LAMA2: variants seen among roughly 807,000 people sequenced by gnomAD.
The protein encoded by LAMA2 is laminin subunit alpha 2.
A neutral mutation model predicts 364.8 loss-of-function variants in LAMA2; 269 were observed. The observed-to-expected ratio is 0.74, with a 90% CI of 0.67 to 0.82. The LOEUF is 0.82. Ranked by LOEUF, LAMA2 falls within the 40% of genes least tolerant of loss-of-function variation. LAMA2 has a pLI of 0.00. For missense variants in LAMA2, 3,807 were observed against 3,873.2 expected, an observed-to-expected ratio of 0.98 and a Z score of 0.45; for synonymous variants, 1,379 against 1,370.6, an observed-to-expected ratio of 1.01 and a Z score of -0.14.
chr6:129,022,881 C>A lies in LAMA2; in HGVS notation c.113-27037C>A, dbSNP rs1056760499. 5.3e-5 allele frequency among the ~76,000 whole-genome samples: 8 copies of A among 152,012 alleles called. No individual in the cohort carries two copies. The South Asian group carries it at 8.3e-4, about 16-fold the overall frequency. On this transcript the variant is annotated intron_variant, in intron 1 of 64. Coordinates refer to ENST00000421865, the MANE Select transcript of LAMA2 (RefSeq NM_000426.4). ...AATTTTAAAAATTATTTAGTGTTTC[C>A]AGTTTAGATATTTAAGAACACCACT...
intron 3 of LAMA2, among the ~76,000 whole-genome samples, chr6:129,083,096 ACACACG>A (rs1176630268): frequency 6.7e-6 from 1 of 150,126 alleles, no homozygotes; most frequent in Admixed American, 6.7e-5. Context: ...ACACACACAC[ACACACG>A]TGTACACACA....
intron 12 of LAMA2, among the ~76,000 whole-genome samples, chr6:129,200,213 T>C (rs890584835): frequency 7.0e-6 from 1 of 141,970 alleles, no homozygotes; most frequent in African/African-American, 2.7e-5. Flanking sequence ...CATATACATG[T>C]GTATATATAT....
intron 1 of LAMA2, among the ~76,000 whole-genome samples, chr6:128,944,752 A>G (rs1341661733): frequency 6.6e-6 from 1 of 152,210 alleles, no homozygotes; most frequent in Non-Finnish European, 1.5e-5. Context: ...GAAGCTTCCA[A>G]TCATGGCAGA....
At chr6:129,108,911 C>G (rs1775983328) in intron 4 of LAMA2, among the ~76,000 whole-genome samples, 1 of 151,996 alleles carries the variant, frequency 6.6e-6, no homozygotes, top group Admixed American at 6.6e-5. Flanking sequence ...AAACGCATAC[C>G]TGATTTGGTT....
At chr6:129,221,054 C>T (rs1017651496) in intron 12 of LAMA2, among the ~76,000 whole-genome samples, 20 of 151,404 alleles carry the variant, frequency 1.3e-4, no homozygotes, top group Non-Finnish European at 2.7e-4. Context: ...CCCAGCTACT[C>T]GTGAGGCTGA....
rs555222433 is a variant in LAMA2 at position 129,402,764 on chromosome 6, C to A, written c.5726+277C>A. Among the ~76,000 whole-genome samples, 3 of 152,184 alleles carry A rather than the reference C, an allele frequency of 2.0e-5. No homozygotes were observed. The East Asian group carries it at 5.8e-4, about 29-fold the overall frequency. ...CACTTAGAAAAAATTATTTTCTGTT[C>A]TTTATTAAAAAGCACAGTGGTTGCC... is the stretch of plus-strand genomic sequence containing the variant. On this transcript the variant is annotated intron_variant, in intron 39 of 64. Transcript: ENST00000421865.
Position 129,516,433 on chromosome 6 carries a change from A to G in LAMA2, c.*86A>G, listed in dbSNP as rs1360626234. ...AAATATATTTTACCTATATATGTTA[A>G]TTAAACTAATTTGTGCATGTACATA... On this transcript the variant is annotated 3_prime_UTR_variant, in exon 65 of 65. Coordinates refer to ENST00000421865, the MANE Select transcript of LAMA2 (RefSeq NM_000426.4). The G allele has an allele frequency of 9.9e-6, 13 of 1,313,542 alleles. No homozygotes were observed. The highest frequency in any genetic ancestry group is 1.4e-5 in the Non-Finnish European group (13 of 930,150). 81.4% of individuals were successfully genotyped at this position (1,313,542 alleles called of 1,614,324 possible).
intron 3 of LAMA2, among the ~76,000 whole-genome samples, chr6:129,066,047 T>TTTTTTTTTTTTTTTTC (rs1789297939): frequency 2.4e-4 from 20 of 81,922 alleles, no homozygotes; most frequent in Non-Finnish European, 3.5e-4. Context: ...GGTTTTTTTT[T>TTTTTTTTTTTTTTTTC]TTTTTTTTTT....
chr6:129,463,539 T>C (rs939820502), intron 49 of LAMA2, among the ~76,000 whole-genome samples: 1 of 152,060 alleles, frequency 6.6e-6, no homozygotes, highest in Non-Finnish European at 1.5e-5. Context: ...GGTAGGTAGA[T>C]AGACAGATAC....
At chr6:129,510,913 C>G (rs1786519736) in intron 62 of LAMA2, among the ~76,000 whole-genome samples, 1 of 152,100 alleles carries the variant, frequency 6.6e-6, no homozygotes, top group Admixed American at 6.6e-5. Context: ...ACCCCGAATT[C>G]CATGTGCTAT....
chr6:129,475,374 C>CTTT lies in LAMA2; in HGVS notation c.7440-15_7440-13dup. ...TTTTTATTTTTGTTTTTTTTTTCCTCTTTCCCGTTATCTAGTATGAAAGCA... is the reference window on the plus strand; with the variant it reads ...TTTTTATTTTTGTTTTTTTTTTCCTCTTTTTTCCCGTTATCTAGTATGAAAGCA... On this transcript the variant is annotated splice_polypyrimidine_tract_variant and intron_variant, in intron 52 of 64. Coordinates refer to ENST00000421865, the MANE Select transcript of LAMA2 (RefSeq NM_000426.4). 1.4e-6 allele frequency: 2 copies of CTTT among 1,421,264 alleles called. No individual in the cohort carries two copies. The highest frequency in any genetic ancestry group is 1.9e-6 in the Non-Finnish European group (2 of 1,031,152). 88.0% of individuals were successfully genotyped at this position (1,421,264 alleles called of 1,614,324 possible). A position where few individuals can be genotyped will look rare whatever the true frequency, so the allele number is the denominator to read the frequency against.
intron 1 of LAMA2, among the ~76,000 whole-genome samples, chr6:129,043,625 T>C (rs987694950): frequency 1.3e-5 from 2 of 152,192 alleles, no homozygotes; most frequent in Non-Finnish European, 2.9e-5. Context: ...ACAATCTCCG[T>C]TGATTGCTTT....
chr6:129,362,665 T>G (rs1458712769), intron 32 of LAMA2, among the ~76,000 whole-genome samples: 1 of 152,186 alleles, frequency 6.6e-6, no homozygotes, highest in Non-Finnish European at 1.5e-5. Flanking sequence ...GAAGAAAGAA[T>G]ATATAAATAA....
At chr6:128,992,177 C>A (rs571507295) in intron 1 of LAMA2, among the ~76,000 whole-genome samples, 3 of 152,302 alleles carry the variant, frequency 2.0e-5, no homozygotes, top group Admixed American at 6.5e-5. Context: ...GACAGCAATT[C>A]GTGCTCTGAC....
intron 2 of LAMA2, among the ~76,000 whole-genome samples, chr6:129,052,864 G>A (rs986787367): frequency 3.3e-5 from 5 of 151,984 alleles, no homozygotes; most frequent in African/African-American, 1.2e-4. Flanking sequence ...TTTTCTTGGA[G>A]CTGGTTAAAG....
At chr6:129,467,513 G>A (rs6917532) in intron 51 of LAMA2, among the ~76,000 whole-genome samples, 67,433 of 151,544 alleles carry the variant, frequency 0.44, 15,227 homozygotes, top group African/African-American at 0.48. Flanking sequence ...CTAAAATTGT[G>A]AAATAATAAA....
intron 12 of LAMA2, among the ~76,000 whole-genome samples, chr6:129,233,582 TG>T: frequency 6.6e-6 from 1 of 152,288 alleles, no homozygotes; most frequent in South Asian, 2.1e-4. Flanking sequence ...GGTCTTCATC[TG>T]CATCATCTTC....
intron 1 of LAMA2, among the ~76,000 whole-genome samples, chr6:129,041,425 A>C (rs1053198545): frequency 6.6e-6 from 1 of 152,234 alleles, no homozygotes; most frequent in African/African-American, 2.4e-5. Flanking sequence ...TTGCTTATCC[A>C]GGACTATCTT....
At chr6:129,394,808 G>A (rs1779516545) in intron 37 of LAMA2, among the ~76,000 whole-genome samples, 1 of 152,280 alleles carries the variant, frequency 6.6e-6, no homozygotes, top group Middle Eastern at 3.4e-3. Flanking sequence ...GTTTCTTTTA[G>A]TGATGTTTAA....
Sources: allele counts gnomAD v4.1 joint callset (sites outside exome capture counted in the v4.1 genomes callset), GRCh38; gene constraint gnomAD v4.1.1; transcripts MANE v1.5; gene names NCBI Gene and HGNC (gene_info 2026-07-23, HGNC 2026-07-21).